The following ZBTB21 variants were observed in gnomAD, a reference collection of about 807,000 sequenced individuals.
ZBTB21 encodes zinc finger and BTB domain containing 21.
Under a neutral mutation model 39.8 loss-of-function variants are expected in ZBTB21, and 10 were observed. The ratio of observed to expected loss-of-function variants is 0.25; its 90% CI spans 0.16 to 0.43. The LOEUF (loss-of-function observed/expected upper bound fraction) is 0.43. ZBTB21 is among the 20% of genes least tolerant of loss of function. ZBTB21 has a pLI of 1.00. For missense variants in ZBTB21, 1,221 were observed against 1,296.3 expected (o/e 0.94, Z 0.89); for synonymous variants, 551 against 498.8 (o/e 1.10, Z -1.40).
rs776195595 is a variant in ZBTB21 at position 41,997,582 on chromosome 21, AAAAAAAAC to A, written c.-13-3482_-13-3475del. ...CAGAGCAAGACGTTGTCTCAAAAAA[AAAAAAAAC>A]AAAAAAACAAAAAAACAAAAAAAAG... On this transcript the variant is annotated intron_variant, in intron 2 of 2. Transcript: ENST00000310826. Among the ~76,000 whole-genome samples the A allele has an allele frequency of 6.0e-3, 844 of 140,916 alleles. 3 individuals are homozygous for A. Among genetic ancestry groups the A allele is most frequent in the East Asian group, 0.011 (56 of 5,150 alleles). 92.4% of individuals were successfully genotyped at this position (140,916 alleles called of 152,430 possible). A position where few individuals can be genotyped will look rare whatever the true frequency, so the allele number is the denominator to read the frequency against.
intron 1 of ZBTB21, among the ~76,000 whole-genome samples, chr21:42,005,131 C>G (rs559634319): frequency 1.3e-5 from 2 of 152,338 alleles, no homozygotes; most frequent in Non-Finnish European, 2.9e-5. Flanking sequence ...CAACATAGTT[C>G]AAGCTCCTTT....
rs1049329808 is a variant in ZBTB21, at chr21:41,993,489, A to T, written c.607T>A (p.Leu203Ile). The T allele has an allele frequency of 1.9e-6, 3 of 1,614,160 alleles. No individual in the cohort carries two copies. Among genetic ancestry groups the T allele is most frequent in the African/African-American group, 2.7e-5 (2 of 74,960 alleles). Residue 203 changes from leucine to isoleucine, a missense_variant, in exon 3 of 3, where the codon TTA becomes ATA. Leu to Ile is a conservative substitution (Grantham distance 5). This residue lies in a region of ZBTB21 where 500 missense variants were observed against 465.6 expected (regional missense o/e 1.07). Transcript: ENST00000310826. ...TCTTTCGGCCAACTCTTTTCAGTTA[A>T]TGACAAATTATGAAGTGGTTCTATT... is the stretch of plus-strand genomic sequence containing the variant. ...KPIEPLHNLS[L>I]TEKSWPKDSS...
chr21:41,992,853 A>G lies in ZBTB21; in HGVS notation c.1243T>C (p.Ser415Pro). Residue 415 changes from serine to proline, a missense_variant, in exon 3 of 3, where the codon TCA (serine) becomes CCA (proline). Coordinates refer to ENST00000310826, the MANE Select transcript of ZBTB21 (RefSeq NM_001098402.2). The surrounding 1 kb of genome is among the most constrained non-coding windows in gnomAD (Gnocchi z 4.1). ...GGGGAAGCTCCCTCCCTGTCTGTTG[A>G]CTGAGAAGCACTAAAGGACCTGAGG... ...HRLRSFSASQ[S>P]TDREGASPVT... 1.2e-6 allele frequency: 2 copies of G among 1,614,142 alleles called. No homozygotes were observed. The highest frequency in any genetic ancestry group is 1.7e-6 in the Non-Finnish European group (2 of 1,180,024).
intron 2 of ZBTB21, among the ~76,000 whole-genome samples, chr21:41,995,214 A>C (rs2065729849): frequency 6.6e-6 from 1 of 152,222 alleles, no homozygotes; most frequent in Admixed American, 6.5e-5. Context: ...GGAACAGTTT[A>C]GAGGACTCAG....
At chr21:42,000,326 CCTTT>C (rs2065802547) in intron 2 of ZBTB21, among the ~76,000 whole-genome samples, 1 of 152,306 alleles carries the variant, frequency 6.6e-6, no homozygotes, top group Non-Finnish European at 1.5e-5. Context: ...GTCCCTACTT[CCTTT>C]CTTGTGCTTC....
Position 41,993,288 on chromosome 21 carries a change from G to A in ZBTB21, c.808C>T (p.Leu270=), listed in dbSNP as rs998311794. 1.2e-6 allele frequency: 2 copies of A among 1,612,796 alleles called. No homozygotes were observed. The highest frequency in any genetic ancestry group is 1.7e-5 in the Admixed American group (1 of 59,998). The change falls in exon 3 of 3, where the codon CTG becomes TTG. Residue 270 remains leucine, a synonymous_variant. Transcript: ENST00000310826. ...GQLPKGKALE[L]ALKRPRPPVL... is the part of the protein sequence containing the mutation. ...GGTGGCCGTGGTCTCTTCAAAGCCA[G>A]CTCTAGAGCTTTTCCTTTTGGAAGC...
intron 1 of ZBTB21, chr21:42,009,204 C>G (rs1417305163): frequency 6.6e-6 from 1 of 152,174 alleles, no homozygotes; most frequent in East Asian, 1.9e-4. Context: ...ACCGGGGCAC[C>G]TGTCTAAAAA....
intron 1 of ZBTB21, chr21:42,009,047 G>A (rs927782284): frequency 3.9e-5 from 6 of 152,158 alleles, no homozygotes; most frequent in Admixed American, 3.3e-4. Context: ...AGGACTCAGG[G>A]TCATCGTGTG....
chr21:42,002,260 A>C (rs1467234539), intron 2 of ZBTB21: 1 of 152,158 alleles, frequency 6.6e-6, no homozygotes, highest in Non-Finnish European at 1.5e-5. Context: ...AAAACAATGT[A>C]CCCTTTCCTA....
Position 41,988,589 on chromosome 21 carries a change from T to TGA in ZBTB21, c.*2305_*2306insTC, listed in dbSNP as rs2065609207. The TGA allele has an allele frequency of 6.6e-6, 1 of 152,188 alleles. No individual in the cohort carries two copies. The highest frequency in any genetic ancestry group is 1.9e-4 in the East Asian group (1 of 5,202). 9.4% of individuals were successfully genotyped at this position (152,188 alleles called of 1,614,324 possible). On this transcript the variant is annotated 3_prime_UTR_variant, in exon 3 of 3. Transcript: ENST00000310826. ...ATAAACTCTTTCAGCCTAATGCTTT[T>TGA]AAAGTACAGTATAAAAAGTAATAGA...
rs983053902 is a variant in ZBTB21 at position 41,986,833 on chromosome 21, G to A, written c.*4062C>T. 6 of 152,540 alleles carry A rather than the reference G, an allele frequency of 3.9e-5. No homozygotes were observed. Among genetic ancestry groups the A allele is most frequent in the African/African-American group, 1.4e-4 (6 of 41,424 alleles). The allele number at this position is 152,540 out of a possible 1,614,324, so 9.4% of individuals were successfully genotyped here. Reference sequence around the variant, plus strand: ...CAGGGCATACCATTGAGACTGACTCGAAGCAAAATACAGTACAAATTTATT... The same window carrying A: ...CAGGGCATACCATTGAGACTGACTCAAAGCAAAATACAGTACAAATTTATT... On this transcript the variant is annotated 3_prime_UTR_variant, in exon 3 of 3. Transcript: ENST00000310826.
In ZBTB21 at chr21:41,991,089, T is replaced by C; in HGVS notation, c.3007A>G (p.Ser1003Gly). The C allele has an allele frequency of 6.2e-7, 1 of 1,611,762 alleles. No individual in the cohort carries two copies. The highest frequency in any genetic ancestry group is 8.5e-7 in the Non-Finnish European group (1 of 1,178,836). ...GGGTTTTCGGACAGGCCTGTGGGGC[T>C]GTCAGGCTCCAGAGGCTGGATCTTG... The part of the protein sequence containing the change: ...LPKIQPLEPD[S>G]PTGLSENPTP... Residue 1003 changes from serine (S) to glycine (G), a missense_variant, in exon 3 of 3, where the codon AGC becomes GGC. Coordinates refer to ENST00000310826, the MANE Select transcript of ZBTB21 (RefSeq NM_001098402.2). This position sits in a 1 kb window ranked among gnomAD's most constrained non-coding sequence, Gnocchi z 4.9.
rs138495543 is a variant in ZBTB21, at chr21:41,999,999, T to G, written c.-14+2898A>C. The stretch of plus-strand genomic sequence containing the variant: ...AGATTAGACAACAGAGGGTAGGTTA[T>G]GGGGGAAGCTGCGGGCCAGCTTGCA... On this transcript the variant is annotated intron_variant, in intron 2 of 2. Coordinates refer to ENST00000310826, the MANE Select transcript of ZBTB21 (RefSeq NM_001098402.2). Among the ~76,000 whole-genome samples, 382 of 152,230 alleles carry G rather than the reference T, an allele frequency of 2.5e-3. 4 individuals are homozygous for G. Among genetic ancestry groups the G allele is most frequent in the African/African-American group, 8.8e-3 (366 of 41,542 alleles).
At chr21:42,001,934 T>C (rs899771746) in intron 2 of ZBTB21, among the ~76,000 whole-genome samples, 1 of 152,072 alleles carries the variant, frequency 6.6e-6, no homozygotes, top group African/African-American at 2.4e-5. Context: ...CATGCAACAC[T>C]ACAGAGACAA....
chr21:41,995,257 C>T (rs1232730486), intron 2 of ZBTB21, among the ~76,000 whole-genome samples: 1 of 152,200 alleles, frequency 6.6e-6, no homozygotes, highest in African/African-American at 2.4e-5. Context: ...AACTTTGGAA[C>T]TCCCTAGAGA....
rs149159484 is a variant in ZBTB21, at chr21:41,993,110, A to G, written c.986T>C (p.Ile329Thr). The change falls in exon 3 of 3, where the codon ATT (isoleucine) becomes ACT (threonine). Residue 329 changes from isoleucine (I) to threonine (T), a missense_variant. By Grantham distance (89) the Ile-to-Thr change is moderately conservative (BLOSUM62 -1). Transcript: ENST00000310826. The part of the protein sequence containing the change: ...SSGSGSGNQS[I>T]DRSGPLVKSL... ...CTTAACAAGTGGGCCACTCCTGTCA[A>G]TGCTTTGGTTTCCAGAACCAGATCC... 2,048 of 1,614,244 alleles carry G rather than the reference A, an allele frequency of 1.3e-3. 4 individuals carry two copies. Among genetic ancestry groups the G allele is most frequent in the Non-Finnish European group, 1.5e-3 (1,713 of 1,180,040 alleles).
intron 1 of ZBTB21, among the ~76,000 whole-genome samples, chr21:42,004,121 T>G (rs2065850051): frequency 6.6e-6 from 1 of 151,794 alleles, no homozygotes. Context: ...TGTCTCAGCC[T>G]CCTGAGTAGC....
intron 1 of ZBTB21, among the ~76,000 whole-genome samples, chr21:42,008,386 C>T (rs959869315): frequency 2.1e-5 from 3 of 141,664 alleles, no homozygotes; most frequent in Admixed American, 1.4e-4. Context: ...GGCGATGTGG[C>T]GGAAGCCTGT....
intron 2 of ZBTB21, among the ~76,000 whole-genome samples, chr21:41,997,887 T>A (rs1018529560): frequency 6.6e-6 from 1 of 151,966 alleles, no homozygotes; most frequent in African/African-American, 2.4e-5. Context: ...TGGCTGATTG[T>A]CCTTGGGTGT....
Sources: gnomAD v4.1 joint callset for allele counts (sites outside exome capture counted in the v4.1 genomes callset) on GRCh38, gnomAD v4.1.1 for gene constraint, gnomAD v4.1.1 regional missense constraint, Gnocchi (gnomAD v3.1) non-coding constraint, MANE v1.5 for transcripts, NCBI Gene and HGNC (gene_info 2026-07-23, HGNC 2026-07-21) for gene names.